DDAH1: variants seen among roughly 807,000 people sequenced by gnomAD.
The protein encoded by DDAH1 is dimethylarginine dimethylaminohydrolase 1.
Under a neutral mutation model 28.8 loss-of-function variants are expected in DDAH1, and 19 were observed. The observed-to-expected ratio is 0.66, with a 90% confidence interval of 0.46 to 0.97. The LOEUF is 0.97. Ranked by LOEUF, DDAH1 falls within the 50% of genes least tolerant of loss-of-function variation. The probability of loss-of-function intolerance (pLI) is 0.00; values close to 1 mark genes in which losing one functional copy is unlikely to be tolerated. For missense variants in DDAH1, 326 were observed against 375.9 expected (o/e 0.87, Z 1.10); for synonymous variants, 153 against 154.4 (o/e 0.99, Z 0.07).
chr1:85,436,922 T>C (rs939475413), intron 1 of DDAH1, among the ~76,000 whole-genome samples: 2 of 152,196 alleles, frequency 1.3e-5, no homozygotes, highest in African/African-American at 4.8e-5. Flanking sequence ...GGTGCCTCCA[T>C]GGTTTTAAAA....
intron 1 of DDAH1, among the ~76,000 whole-genome samples, chr1:85,526,539 G>A (rs1557726185): frequency 6.6e-6 from 1 of 152,094 alleles, no homozygotes; most frequent in African/African-American, 2.4e-5. Context: ...ATATTTCATG[G>A]AGTGAGAATT....
intron 1 of DDAH1, among the ~76,000 whole-genome samples, chr1:85,378,057 T>A (rs955634494): frequency 1.2e-4 from 18 of 152,184 alleles, no homozygotes; most frequent in African/African-American, 4.3e-4. Flanking sequence ...TGCCATTTTA[T>A]GAAGGACATA....
chr1:85,348,728 C>A (rs1479118103), intron 4 of DDAH1, among the ~76,000 whole-genome samples: 1 of 152,216 alleles, frequency 6.6e-6, no homozygotes. Flanking sequence ...CTTTGAAGAG[C>A]AGTTAGGGCC....
At chr1:85,485,035 A>C (rs1430574668) in intron 2 of DDAH1, among the ~76,000 whole-genome samples, 1 of 152,234 alleles carries the variant, frequency 6.6e-6, no homozygotes, top group Non-Finnish European at 1.5e-5. Flanking sequence ...AGCTTCAGTA[A>C]CTTTATTTTT....
In DDAH1 at chr1:85,489,638, A is replaced by G. The variant is rs184709197; in HGVS notation, c.-7+6528T>C. 3.8e-3 allele frequency among the ~76,000 whole-genome samples: 571 copies of G among 152,240 alleles called. 5 individuals are homozygous for G. Among genetic ancestry groups the G allele is most frequent in the African/African-American group, 0.013 (552 of 41,554 alleles). On this transcript the variant is annotated intron_variant, in intron 2 of 6. Coordinates refer to the DDAH1 transcript ENST00000426972. ...GGGAGAGAAGGAAGGACAGAATGAT[A>G]GAGACCACCCACATTTAGAGATAGA...
chr1:85,407,386 GAATA>G (rs1470426725), intron 1 of DDAH1, among the ~76,000 whole-genome samples: 6 of 152,148 alleles, frequency 3.9e-5, no homozygotes, highest in African/African-American at 1.4e-4. Context: ...CAAAAGGTCT[GAATA>G]AACTCACATT....
intron 1 of DDAH1, among the ~76,000 whole-genome samples, chr1:85,518,402 T>C (rs1275975229): frequency 1.3e-5 from 2 of 152,180 alleles, no homozygotes; most frequent in African/African-American, 4.8e-5. Context: ...CTCGTTCAGG[T>C]GTTGGCAGAA....
intron 5 of DDAH1, among the ~76,000 whole-genome samples, chr1:85,323,931 T>C (rs942538702): frequency 7.2e-6 from 1 of 138,218 alleles, no homozygotes; most frequent in African/African-American, 2.8e-5. Flanking sequence ...ATTATGCCAC[T>C]GCACTCCAGA....
At chr1:85,370,243 C>G (rs958327571) in intron 1 of DDAH1, among the ~76,000 whole-genome samples, 1 of 152,192 alleles carries the variant, frequency 6.6e-6, no homozygotes, top group Non-Finnish European at 1.5e-5. Flanking sequence ...TGGCCATCTG[C>G]AAGCCAGGCA....
At chr1:85,542,622 C>G (rs1658503116) in intron 1 of DDAH1, among the ~76,000 whole-genome samples, 1 of 152,168 alleles carries the variant, frequency 6.6e-6, no homozygotes, top group South Asian at 2.1e-4. Flanking sequence ...TATTCAGACC[C>G]TTAACCTATG....
At chr1:85,477,387 C>T (rs778412361) in intron 2 of DDAH1, among the ~76,000 whole-genome samples, 104 of 152,080 alleles carry the variant, frequency 6.8e-4, no homozygotes, top group Non-Finnish European at 2.6e-4. Flanking sequence ...TTTTCTACAG[C>T]CTTTACAACT....
At chr1:85,427,578 C>T (rs996518692) in intron 1 of DDAH1, among the ~76,000 whole-genome samples, 3 of 152,086 alleles carry the variant, frequency 2.0e-5, no homozygotes, top group Middle Eastern at 3.2e-3. Context: ...AGAGCCAGCT[C>T]AAAGGGACAG....
At chr1:85,344,191 G>A (rs977049151) in intron 4 of DDAH1, among the ~76,000 whole-genome samples, 5 of 152,136 alleles carry the variant, frequency 3.3e-5, no homozygotes, top group African/African-American at 1.2e-4. Context: ...TTCTTACCAC[G>A]TCCTTGTAGT....
At position 85,321,294 on chromosome 1, in the gene DDAH1, G is replaced by T. The variant is rs233115; in HGVS notation, c.*158C>A. The T allele has an allele frequency of 3.3e-6, 2 of 607,312 alleles. No individual in the cohort carries two copies. Among genetic ancestry groups the T allele is most frequent in the Non-Finnish European group, 5.9e-6 (2 of 339,016 alleles). The allele number at this position is 607,312 out of a possible 1,614,324, so 37.6% of individuals were successfully genotyped here. A position where few individuals can be genotyped will look rare whatever the true frequency, so the allele number is the denominator to read the frequency against. ...CCACCTCGAGGGGAGGGAGGGTGGG[G>T]GTGTTGAATGAAGCAATTCAACTTA... On this transcript the variant is annotated 3_prime_UTR_variant, in exon 6 of 6. Coordinates refer to ENST00000284031, the MANE Select transcript of DDAH1 (RefSeq NM_012137.4).
At chr1:85,378,688 G>A (rs1018499818) in intron 1 of DDAH1, among the ~76,000 whole-genome samples, 12 of 152,286 alleles carry the variant, frequency 7.9e-5, no homozygotes, top group African/African-American at 2.6e-4. Flanking sequence ...GGATTATAGG[G>A]ATGAGCCACC....
intron 2 of DDAH1, among the ~76,000 whole-genome samples, chr1:85,486,685 G>A (rs550416688): frequency 3.4e-4 from 52 of 152,218 alleles, no homozygotes; most frequent in African/African-American, 1.2e-3. Flanking sequence ...GAATCTCAAT[G>A]GTGTGCAATA....
intron 1 of DDAH1, among the ~76,000 whole-genome samples, chr1:85,516,284 C>T (rs1248460136): frequency 8.0e-5 from 12 of 150,608 alleles, no homozygotes; most frequent in Admixed American, 8.0e-4. Flanking sequence ...AGGAAGTCTT[C>T]TCTATGGCTG....
chr1:85,486,284 A>T (rs1656202313), intron 2 of DDAH1, among the ~76,000 whole-genome samples: 2 of 152,218 alleles, frequency 1.3e-5, no homozygotes, highest in Admixed American at 6.5e-5. Flanking sequence ...AACAGAGGAG[A>T]TCTTCAAAGA....
intron 4 of DDAH1, among the ~76,000 whole-genome samples, chr1:85,336,334 A>G (rs1254945887): frequency 6.6e-6 from 1 of 152,198 alleles, no homozygotes; most frequent in Non-Finnish European, 1.5e-5. Flanking sequence ...AATCATGACA[A>G]TTCTCTTCAT....
Sources: gnomAD v4.1 joint callset for allele counts (sites outside exome capture counted in the v4.1 genomes callset) on GRCh38, gnomAD v4.1.1 for gene constraint, MANE v1.5 for transcripts, NCBI Gene and HGNC (gene_info 2026-07-23, HGNC 2026-07-21) for gene names.